The following TRABD2B variants were observed in gnomAD, a reference collection of about 807,000 sequenced individuals.
TRABD2B encodes metalloprotease TIKI2.
Under a neutral mutation model 40.1 loss-of-function variants are expected in TRABD2B, and 14 were observed. The observed-to-expected ratio is 0.35, with a 90% CI of 0.23 to 0.55. The LOEUF is 0.55. Among genes scored for constraint, TRABD2B ranks in the 20% least tolerant of loss-of-function variants. TRABD2B has a pLI of 0.90. For missense variants in TRABD2B, 541 were observed against 648.6 expected (o/e 0.83, Z 1.80); for synonymous variants, 263 against 277.0 (o/e 0.95, Z 0.50).
intron 4 of TRABD2B, among the ~76,000 whole-genome samples, chr1:47,782,144 C>T (rs1475558410): frequency 6.6e-6 from 1 of 152,112 alleles, no homozygotes; most frequent in African/African-American, 2.4e-5. Context: ...GGCATCTCCA[C>T]CTAAACATCC....
At chr1:47,906,269 A>G (rs1644677274) in intron 2 of TRABD2B, among the ~76,000 whole-genome samples, 1 of 152,198 alleles carries the variant, frequency 6.6e-6, no homozygotes, top group Non-Finnish European at 1.5e-5. Flanking sequence ...AACATAACTC[A>G]TTTATAATGA....
At chr1:47,964,894 C>T (rs912030958) in intron 2 of TRABD2B, among the ~76,000 whole-genome samples, 5 of 151,968 alleles carry the variant, frequency 3.3e-5, no homozygotes, top group South Asian at 2.1e-4. Flanking sequence ...AGGAAGGATG[C>T]GGCCCCCACT....
chr1:47,819,793 C>G (rs1223420692), intron 2 of TRABD2B: 3 of 152,126 alleles, frequency 2.0e-5, no homozygotes, highest in African/African-American at 7.2e-5. Flanking sequence ...CGGGCTGAAC[C>G]CTGCACTGGA....
At chr1:47,849,655 G>C (rs1645520497) in intron 2 of TRABD2B, among the ~76,000 whole-genome samples, 1 of 152,218 alleles carries the variant, frequency 6.6e-6, no homozygotes, top group African/African-American at 2.4e-5. Context: ...GTCTCCATCT[G>C]GCATTGGGCA....
At chr1:47,944,525 T>C (rs984717392) in intron 2 of TRABD2B, among the ~76,000 whole-genome samples, 2 of 152,120 alleles carry the variant, frequency 1.3e-5, no homozygotes, top group African/African-American at 4.8e-5. Context: ...AAGTTGACTG[T>C]AGTGCAGGCC....
At chr1:47,849,477 C>T (rs1409702802) in intron 2 of TRABD2B, among the ~76,000 whole-genome samples, 4 of 152,284 alleles carry the variant, frequency 2.6e-5, no homozygotes, top group South Asian at 2.1e-4. Context: ...TTCTTTGTTA[C>T]GGCAGTCTCA....
chr1:47,785,035 G>C (rs1042155714), intron 4 of TRABD2B, among the ~76,000 whole-genome samples: 1 of 152,194 alleles, frequency 6.6e-6, no homozygotes, highest in African/African-American at 2.4e-5. Context: ...GAGAGGAAGA[G>C]AGGAGAAAGG....
At chr1:47,866,308 G>A (rs560663000) in intron 2 of TRABD2B, among the ~76,000 whole-genome samples, 3 of 152,086 alleles carry the variant, frequency 2.0e-5, no homozygotes, top group Non-Finnish European at 4.4e-5. Flanking sequence ...GTTCAGGGCT[G>A]GCTAAGACAG....
intron 4 of TRABD2B, among the ~76,000 whole-genome samples, chr1:47,780,545 T>C (rs1236892120): frequency 6.6e-6 from 1 of 151,976 alleles, no homozygotes; most frequent in African/African-American, 2.4e-5. Flanking sequence ...CTAAGTATGA[T>C]GGAGAGGGAA....
At chr1:47,979,237 T>A (rs569378518) in intron 2 of TRABD2B, among the ~76,000 whole-genome samples, 1 of 152,272 alleles carries the variant, frequency 6.6e-6, no homozygotes, top group African/African-American at 2.4e-5. Context: ...GGCGATGATG[T>A]GTAGACATGG....
chr1:47,816,916 G>A (rs1423479485), intron 2 of TRABD2B, among the ~76,000 whole-genome samples: 4 of 152,144 alleles, frequency 2.6e-5, no homozygotes, highest in Non-Finnish European at 5.9e-5. Context: ...AGTAAGTGGT[G>A]GATGAATGAA....
chr1:47,965,211 T>TGGGGGGGGA (rs1645582527), intron 2 of TRABD2B, among the ~76,000 whole-genome samples: 1 of 9,894 alleles, frequency 1.0e-4, no homozygotes, highest in African/African-American at 5.0e-4. Flanking sequence ...CGGGGGGGGG[T>TGGGGGGGGA]GGAGGGGGGG....
intron 6 of TRABD2B, among the ~76,000 whole-genome samples, chr1:47,773,784 C>A (rs1644407489): frequency 6.6e-6 from 1 of 152,238 alleles, no homozygotes; most frequent in South Asian, 2.1e-4. Flanking sequence ...CCAGGTTCTG[C>A]AGAAGTACAT....
rs12028640 is a variant in TRABD2B, at chr1:47,761,267, A to T, written c.*4635T>A. ...GCTCCCACTTGGAGAAAGGGTGAGG[A>T]TAGCCGATGCTCCCTGGAAAGAGCC... is the stretch of plus-strand genomic sequence containing the variant. On this transcript the variant is annotated 3_prime_UTR_variant, in exon 7 of 7. Coordinates refer to ENST00000606738, the MANE Select transcript of TRABD2B (RefSeq NM_001194986.2). 0.09 allele frequency: 13,699 copies of T among 152,382 alleles called. 845 individuals are homozygous for T. Among genetic ancestry groups the T allele is most frequent in the Admixed American group, 0.15 (2,244 of 15,298 alleles). 9.4% of individuals were successfully genotyped at this position (152,382 alleles called of 1,614,324 possible).
At chr1:47,817,779 TCCCACCATC>T (rs1280537601) in intron 2 of TRABD2B, among the ~76,000 whole-genome samples, 1 of 151,974 alleles carries the variant, frequency 6.6e-6, no homozygotes, top group East Asian at 1.9e-4. Context: ...GTGGCCAGAC[TCCCACCATC>T]CCCAGCCACA....
chr1:47,936,195 T>C (rs1383849314), intron 2 of TRABD2B, among the ~76,000 whole-genome samples: 1 of 152,178 alleles, frequency 6.6e-6, no homozygotes, highest in East Asian at 1.9e-4. Context: ...GGTGGACCAA[T>C]GATCAAAGAG....
intron 4 of TRABD2B, among the ~76,000 whole-genome samples, chr1:47,788,925 TAGA>T (rs1245252278): frequency 6.6e-6 from 1 of 152,156 alleles, no homozygotes; most frequent in Non-Finnish European, 1.5e-5. Context: ...AAAAGAATGC[TAGA>T]AGATTTCTGG....
intron 2 of TRABD2B, among the ~76,000 whole-genome samples, chr1:47,923,211 C>A (rs1434248718): frequency 6.6e-6 from 1 of 152,228 alleles, no homozygotes; most frequent in Non-Finnish European, 1.5e-5. Context: ...TCAGGCCACG[C>A]CCCATGCCAG....
chr1:47,910,665 C>T (rs1235468357), intron 2 of TRABD2B, among the ~76,000 whole-genome samples: 1 of 152,178 alleles, frequency 6.6e-6, no homozygotes, highest in East Asian at 1.9e-4. Context: ...AAGCACAGAC[C>T]TGTATGCTGT....
Sources: allele counts gnomAD v4.1 joint callset (sites outside exome capture counted in the v4.1 genomes callset), GRCh38; gene constraint gnomAD v4.1.1; transcripts MANE v1.5; gene names NCBI Gene and HGNC (gene_info 2026-07-23, HGNC 2026-07-21).